IGFL4: variants seen among roughly 807,000 people sequenced by gnomAD.
IGFL4 encodes the protein IGF like family member 4, also known as insulin growth factor-like family member 4.
Under a neutral mutation model 15.4 loss-of-function variants are expected in IGFL4, and 12 were observed. That is an observed-to-expected ratio of 0.78 (90% confidence interval 0.50 to 1.26). The LOEUF (loss-of-function observed/expected upper bound fraction) is 1.26. IGFL4 is among the 50% of genes most tolerant of loss of function. The pLI, the probability that IGFL4 is intolerant of heterozygous loss-of-function variation, is 0.00. For synonymous variants in IGFL4, 54 were observed against 55.9 expected, an observed-to-expected ratio of 0.97 and a Z score of 0.16; for missense variants, 126 against 147.8, an observed-to-expected ratio of 0.85 and a Z score of 0.76.
intron 2 of IGFL4, among the ~76,000 whole-genome samples, chr19:46,050,629 A>C (rs963311738): frequency 3.3e-5 from 5 of 152,202 alleles, no homozygotes; most frequent in African/African-American, 4.8e-5. Flanking sequence ...AAGAAAAAAG[A>C]ATTTTAAAAA....
chr19:46,040,490 T>C lies in IGFL4; in HGVS notation c.70+28A>G. On this transcript the variant is annotated intron_variant, in intron 2 of 3. Coordinates refer to ENST00000377697, the MANE Select transcript of IGFL4 (RefSeq NM_001002923.3). The surrounding 1 kb of genome is among the most constrained non-coding windows in gnomAD (Gnocchi z 4.1). Reference sequence around the variant, plus strand: ...CTCCCCACCAACCTTAATGCTGTTCTCTCCTCCCTCACTGCATCTGTTCTC... The same window carrying C: ...CTCCCCACCAACCTTAATGCTGTTCCCTCCTCCCTCACTGCATCTGTTCTC... 6.2e-7 allele frequency: 1 copy of C among 1,614,122 alleles called. No individual in the cohort carries two copies. The highest frequency in any genetic ancestry group is 8.5e-7 in the Non-Finnish European group (1 of 1,179,970).
chr19:46,047,219 T>C (rs1486700514), intron 2 of IGFL4, among the ~76,000 whole-genome samples: 1 of 152,110 alleles, frequency 6.6e-6, no homozygotes, highest in Non-Finnish European at 1.5e-5. Flanking sequence ...TAAGAGACAA[T>C]GTACCCGATT....
intron 1 of IGFL4, among the ~76,000 whole-genome samples, chr19:46,071,479 T>C (rs1969545372): frequency 6.6e-6 from 1 of 152,066 alleles, no homozygotes; most frequent in Non-Finnish European, 1.5e-5. Context: ...CACGAATAAA[T>C]GGGTGTGGTC....
At chr19:46,056,759 C>T (rs1052551409) in intron 2 of IGFL4, among the ~76,000 whole-genome samples, 6 of 152,106 alleles carry the variant, frequency 3.9e-5, no homozygotes, top group African/African-American at 1.4e-4. Context: ...ATTCTTTTTA[C>T]ATCTACCCAG....
chr19:46,068,780 A>C (rs1035231836), intron 1 of IGFL4, among the ~76,000 whole-genome samples: 1 of 152,210 alleles, frequency 6.6e-6, no homozygotes, highest in African/African-American at 2.4e-5. Context: ...GGTTTCATAG[A>C]GGAAGAGGTA....
intron 2 of IGFL4, among the ~76,000 whole-genome samples, chr19:46,049,428 C>A (rs1969325390): frequency 6.6e-6 from 1 of 152,154 alleles, no homozygotes. Context: ...GTTAGGGGGG[C>A]ATAGTGGGAG....
At chr19:46,060,269 G>T (rs1397543419) in exon 2 of IGFL4, 4 of 152,158 alleles carry the variant, frequency 2.6e-5, no homozygotes, top group Non-Finnish European at 5.9e-5. Context: ...GCTGTCAGTA[G>T]CTCAAAAGAA....
In IGFL4 at chr19:46,063,331, G is replaced by A. The variant is rs372296710; in HGVS notation, c.-431-3038C>T. 1.7e-3 allele frequency among the ~76,000 whole-genome samples: 165 copies of A among 97,298 alleles called. 1 individual carries two copies. Among genetic ancestry groups the A allele is most frequent in the African/African-American group, 7.7e-3 (157 of 20,398 alleles). The allele number at this position is 97,298 out of a possible 152,430, so 63.8% of individuals were successfully genotyped here. A position where few individuals can be genotyped will look rare whatever the true frequency, so the allele number is the denominator to read the frequency against. On this transcript the variant is annotated intron_variant, in intron 1 of 5. Transcript: ENST00000601672. Reference sequence around the variant, plus strand: ...TCAAAAGAACATTTAGAACACACACGCATGCACACACACACACACACACAC... The same window carrying A: ...TCAAAAGAACATTTAGAACACACACACATGCACACACACACACACACACAC...
At chr19:46,057,623 G>C in intron 2 of IGFL4, 1 of 152,106 alleles carries the variant, frequency 6.6e-6, no homozygotes, top group South Asian at 2.1e-4. Context: ...GATAAACAAA[G>C]TATACTAGTC....
At chr19:46,051,583 A>G (rs1476609251) in intron 2 of IGFL4, among the ~76,000 whole-genome samples, 2 of 152,142 alleles carry the variant, frequency 1.3e-5, no homozygotes, top group African/African-American at 2.4e-5. Context: ...AAAAAATAAT[A>G]ACACATGATG....
chr19:46,060,065 A>C (rs1011590602), intron 2 of IGFL4: 37 of 152,244 alleles, frequency 2.4e-4, no homozygotes, highest in African/African-American at 8.4e-4. Context: ...AAAACATACC[A>C]TTCCAATCAA....
chr19:46,064,788 A>C (rs1969479310), intron 1 of IGFL4, among the ~76,000 whole-genome samples: 1 of 152,134 alleles, frequency 6.6e-6, no homozygotes, highest in African/African-American at 2.4e-5. Context: ...CAATATATTA[A>C]CTTCCTTTCT....
At position 46,070,494 on chromosome 19, in the gene IGFL4, T is replaced by TA. The variant is rs77897441; in HGVS notation, c.-432+6525dup. 2.4e-3 allele frequency among the ~76,000 whole-genome samples: 345 copies of TA among 145,072 alleles called. 4 individuals are homozygous for TA. The East Asian group carries it at 0.035, about 15-fold the overall frequency. ...CAAGCATTAAATGTATTTTAATAAC[T>TA]AAAAAAAAAAAGGAATTTTATTTCT... On this transcript the variant is annotated intron_variant, in intron 1 of 5. Coordinates refer to the IGFL4 transcript ENST00000601672.
At chr19:46,063,093 G>T (rs535167659) in intron 1 of IGFL4, among the ~76,000 whole-genome samples, 11 of 152,064 alleles carry the variant, frequency 7.2e-5, no homozygotes, top group Non-Finnish European at 1.3e-4. Flanking sequence ...ACCCAAGTTC[G>T]GTCAAGCGTC....
Position 46,040,991 on chromosome 19 carries a change from G to T in IGFL4, c.-29C>A. ...TTAGGCTTCAGAGCAGCGGACGAGGGAGCAGCAGTGGAAATGGGTCAGTGA... is the reference window on the plus strand; with the variant it reads ...TTAGGCTTCAGAGCAGCGGACGAGGTAGCAGCAGTGGAAATGGGTCAGTGA... On this transcript the variant is annotated 5_prime_UTR_variant, in exon 1 of 4. Transcript: ENST00000377697. The surrounding 1 kb of genome is among the most constrained non-coding windows in gnomAD (Gnocchi z 4.1). 6.4e-7 allele frequency: 1 copy of T among 1,568,068 alleles called. No homozygotes were observed. Among genetic ancestry groups the T allele is most frequent in the African/African-American group, 1.4e-5 (1 of 73,040 alleles).
chr19:46,051,750 A>G (rs1340996562), intron 2 of IGFL4, among the ~76,000 whole-genome samples: 1 of 152,176 alleles, frequency 6.6e-6, no homozygotes, highest in Non-Finnish European at 1.5e-5. Context: ...CTCACCTGAC[A>G]CACAAGGACT....
chr19:46,061,601 A>G (rs116509929), intron 1 of IGFL4, among the ~76,000 whole-genome samples: 8 of 152,178 alleles, frequency 5.3e-5, no homozygotes, highest in Non-Finnish European at 1.2e-4. Flanking sequence ...CAGATCCCCA[A>G]AAATTAAGGG....
At chr19:46,042,246 CTGTT>C (rs1184765485), upstream of IGFL4, among the ~76,000 whole-genome samples, 1 of 152,174 alleles carries the variant, frequency 6.6e-6, no homozygotes, top group African/African-American at 2.4e-5. Context: ...ATAGATATGT[CTGTT>C]TGTCTGCTTA....
At chr19:46,058,464 G>C (rs187735408) in intron 2 of IGFL4, 7 of 152,588 alleles carry the variant, frequency 4.6e-5, no homozygotes, top group Admixed American at 3.9e-4. Context: ...AGTGTAAGCT[G>C]TTGGTGGATC....
Sources: allele counts gnomAD v4.1 joint callset (sites outside exome capture counted in the v4.1 genomes callset), GRCh38; gene constraint gnomAD v4.1.1; non-coding constraint Gnocchi (gnomAD v3.1); transcripts MANE v1.5; gene names NCBI Gene and HGNC (gene_info 2026-07-23, HGNC 2026-07-21).